MTA3: variants seen among roughly 807,000 people sequenced by gnomAD.
MTA3 encodes metastasis associated 1 family member 3.
A neutral mutation model predicts 83.5 loss-of-function variants in MTA3; 34 were observed. The observed-to-expected ratio is 0.41, with a 90% CI of 0.31 to 0.54. The LOEUF (loss-of-function observed/expected upper bound fraction) is 0.54, where lower values mean the gene tolerates loss of function less well. MTA3 is among the 20% of genes least tolerant of loss of function. MTA3 has a pLI of 0.33. For synonymous variants in MTA3, 303 were observed against 252.7 expected (o/e 1.20, Z -1.89); for missense variants, 761 against 726.4 (o/e 1.05, Z -0.55).
intron 3 of MTA3, among the ~76,000 whole-genome samples, chr2:42,585,558 TC>T (rs1680176910): frequency 1.4e-5 from 2 of 144,236 alleles, no homozygotes; most frequent in Admixed American, 1.5e-4. Context: ...CACTGCAACC[TC>T]CGCCTCGTGG....
intron 3 of MTA3, among the ~76,000 whole-genome samples, chr2:42,584,275 A>T (rs1680011098): frequency 2.0e-5 from 3 of 152,162 alleles, no homozygotes; most frequent in African/African-American, 4.8e-5. Context: ...ACTGTGATTC[A>T]TCTAGACCTC....
chr2:42,687,722 T>C (rs1282859628), intron 9 of MTA3, among the ~76,000 whole-genome samples: 2 of 152,316 alleles, frequency 1.3e-5, no homozygotes, highest in South Asian at 2.1e-4. Flanking sequence ...GGGTGGGCCA[T>C]GAGAAATTCT....
At chr2:42,653,739 A>G (rs1039702136) in intron 6 of MTA3, among the ~76,000 whole-genome samples, 4 of 152,236 alleles carry the variant, frequency 2.6e-5, no homozygotes, top group East Asian at 1.9e-4. Context: ...TGCAGACTGT[A>G]TGGGTGGAAT....
intron 16 of MTA3, among the ~76,000 whole-genome samples, chr2:42,747,834 A>G (rs561983013): frequency 4.6e-5 from 7 of 152,070 alleles, no homozygotes; most frequent in South Asian, 2.1e-4. Context: ...AAAATATACA[A>G]TTTAATAAGT....
intron 3 of MTA3, among the ~76,000 whole-genome samples, chr2:42,581,580 G>T (rs1002247861): frequency 6.7e-6 from 1 of 148,208 alleles, no homozygotes; most frequent in Non-Finnish European, 1.5e-5. Flanking sequence ...ATGGGGTCTT[G>T]TTATGTTGCC....
chr2:42,540,847 A>T (rs948953802), intron 2 of MTA3, among the ~76,000 whole-genome samples: 1 of 146,504 alleles, frequency 6.8e-6, no homozygotes, highest in Admixed American at 6.8e-5. Flanking sequence ...AAAAAAAAAA[A>T]TTAAAAAAAA....
intron 8 of MTA3, among the ~76,000 whole-genome samples, chr2:42,667,576 G>GTGTGTGTGTGTGTGTT (rs575889924): frequency 0.028 from 3,461 of 124,304 alleles, 250 homozygotes; most frequent in Admixed American, 0.18. Flanking sequence ...AAAATTGTGT[G>GTGTGTGTGTGTGTGTT]TGTGTGTGTG....
At position 42,704,661 on chromosome 2, in the gene MTA3, G is replaced by T. The variant is rs190099607; in HGVS notation, c.1150+343G>T. On this transcript the variant is annotated intron_variant, in intron 12 of 16. Coordinates refer to ENST00000405094, the MANE Select transcript of MTA3 (RefSeq NM_001330442.2). ...GATGCATACCAAATTCCCCTTTGGA[G>T]TTTCTCAGTATACTTTGACAAATTA... 2.2e-4 allele frequency among the ~76,000 whole-genome samples: 34 copies of T among 152,302 alleles called. No homozygotes were observed. The East Asian group carries it at 4.8e-3, about 22-fold the overall frequency.
At chr2:42,579,836 T>C (rs916506214) in intron 3 of MTA3, among the ~76,000 whole-genome samples, 3 of 151,940 alleles carry the variant, frequency 2.0e-5, no homozygotes, top group African/African-American at 7.3e-5. Context: ...ATGCATGAGC[T>C]ACTGGGCCTG....
Position 42,599,595 on chromosome 2 carries a change from AAAAAG to A in MTA3, c.191-9856_191-9852del, listed in dbSNP as rs200051938. 8.7e-4 allele frequency among the ~76,000 whole-genome samples: 133 copies of A among 152,274 alleles called. No individual in the cohort carries two copies. The East Asian group carries it at 0.017, about 19-fold the overall frequency. ...ACAGTGTGAGACTCCATCTCCAAAA[AAAAAG>A]AAAAGAGTAGTGGTAATTCATGTGG... On this transcript the variant is annotated intron_variant, in intron 3 of 16. Transcript: ENST00000405094.
chr2:42,704,566 A>C (rs1333787647), intron 12 of MTA3, among the ~76,000 whole-genome samples: 1 of 152,144 alleles, frequency 6.6e-6, no homozygotes, highest in Non-Finnish European at 1.5e-5. Flanking sequence ...TGGTTTGTTG[A>C]TTATTTCATA....
At chr2:42,585,124 T>C (rs1458819803) in intron 3 of MTA3, among the ~76,000 whole-genome samples, 1 of 151,706 alleles carries the variant, frequency 6.6e-6, no homozygotes, top group Non-Finnish European at 1.5e-5. Context: ...GTTTCGCTCT[T>C]GTTGCCTAGG....
chr2:42,632,091 GT>G (rs35447248), intron 4 of MTA3, among the ~76,000 whole-genome samples: 32 of 125,188 alleles, frequency 2.6e-4, no homozygotes, highest in Non-Finnish European at 2.7e-4. Flanking sequence ...CAGCTGCTGG[GT>G]TTTTTTTTTT....
chr2:42,710,544 C>G (rs1174837669), intron 14 of MTA3, among the ~76,000 whole-genome samples: 1 of 90,274 alleles, frequency 1.1e-5, no homozygotes, highest in South Asian at 4.3e-4. Flanking sequence ...AGCGAAACTT[C>G]ATCTCAAAAA....
Position 42,734,109 on chromosome 2 carries a change from T to C in MTA3, c.1759+11074T>C, listed in dbSNP as rs181753639. 2.4e-4 allele frequency among the ~76,000 whole-genome samples: 37 copies of C among 152,294 alleles called. No individual in the cohort carries two copies. In the East Asian group the frequency reaches 6.2e-3, roughly 25 times the overall value. ...ACTTTCTGTCTGGACGATGTGTTCA[T>C]TGCTGAAAGTGAGGTGTTGAAGTCT... On this transcript the variant is annotated intron_variant, in intron 16 of 16. Transcript: ENST00000405094.
chr2:42,588,354 A>G (rs1680579738), intron 3 of MTA3, among the ~76,000 whole-genome samples: 1 of 152,176 alleles, frequency 6.6e-6, no homozygotes, highest in Admixed American at 6.6e-5. Flanking sequence ...CATTCTACTA[A>G]GTACTGGTGA....
intron 2 of MTA3, among the ~76,000 whole-genome samples, chr2:42,496,437 ATTC>A (rs1198628566): frequency 6.6e-6 from 1 of 152,158 alleles, no homozygotes; most frequent in African/African-American, 2.4e-5. Context: ...AGCCAATTCT[ATTC>A]TTTGTACTTT....
intron 16 of MTA3, among the ~76,000 whole-genome samples, chr2:42,739,945 C>T (rs1207747425): frequency 6.6e-6 from 1 of 152,222 alleles, no homozygotes; most frequent in Non-Finnish European, 1.5e-5. Flanking sequence ...AATTCTCCTG[C>T]TATGTCCACC....
chr2:42,500,428 C>T (rs969177718), intron 2 of MTA3, among the ~76,000 whole-genome samples: 2 of 151,774 alleles, frequency 1.3e-5, no homozygotes, highest in East Asian at 1.9e-4. Flanking sequence ...TGTGGTGGCA[C>T]GTGCCTGTAG....
Sources: gnomAD v4.1 joint callset for allele counts (sites outside exome capture counted in the v4.1 genomes callset) on GRCh38, gnomAD v4.1.1 for gene constraint, MANE v1.5 for transcripts, NCBI Gene and HGNC (gene_info 2026-07-23, HGNC 2026-07-21) for gene names.